The following PLCG2 variants were observed in gnomAD, a reference collection of about 807,000 sequenced individuals.
The protein encoded by PLCG2 is 1-phosphatidylinositol 4,5-bisphosphate phosphodiesterase gamma-2.
In PLCG2, 69 loss-of-function variants were observed where a neutral mutation model predicts 175.6. The ratio of observed to expected loss-of-function variants is 0.39; its 90% CI spans 0.32 to 0.48. PLCG2 has a LOEUF of 0.48. PLCG2 is among the 20% of genes least tolerant of loss of function. PLCG2 has a pLI of 0.91. For missense variants in PLCG2, 1,798 were observed against 1,650.9 expected, an observed-to-expected ratio of 1.09 and a Z score of -1.54; for synonymous variants, 827 against 624.0, an observed-to-expected ratio of 1.33 and a Z score of -4.85.
In PLCG2 at chr16:81,940,011, C is replaced by G. The variant is rs775096760; in HGVS notation, c.3433C>G (p.Pro1145Ala). 3 of 1,614,042 alleles carry G rather than the reference C, an allele frequency of 1.9e-6. No individual in the cohort carries two copies. The highest frequency in any genetic ancestry group is 2.5e-6 in the Non-Finnish European group (3 of 1,179,880). The change falls in exon 30 of 33, where the codon CCC (proline) becomes GCC (alanine). Residue 1145 changes from proline to alanine, a missense_variant. Coordinates refer to ENST00000564138, the MANE Select transcript of PLCG2 (RefSeq NM_002661.5). ...TTATGAAGAAGATATGTTCAGCGAT[C>G]CCAACTTTCTTGCTCATGCCACTTA... ...VVYEEDMFSD[P>A]NFLAHATYPI...
At chr16:81,903,738 C>A (rs998274434) in intron 14 of PLCG2, among the ~76,000 whole-genome samples, 2 of 152,196 alleles carry the variant, frequency 1.3e-5, no homozygotes, top group Non-Finnish European at 2.9e-5. Context: ...ATGTGCTCTT[C>A]CCTGTTCCCA....
chr16:81,823,969 T>C (rs994909480), intron 2 of PLCG2, among the ~76,000 whole-genome samples: 2 of 150,088 alleles, frequency 1.3e-5, no homozygotes, highest in Admixed American at 1.3e-4. Flanking sequence ...CTTTCCTTCC[T>C]TCCTTCTTTT....
At chr16:81,866,688 T>C (rs1287309089) in intron 5 of PLCG2, among the ~76,000 whole-genome samples, 2 of 126,714 alleles carry the variant, frequency 1.6e-5, no homozygotes, top group African/African-American at 5.9e-5. Flanking sequence ...CGCTGGCCTC[T>C]CCCTTGCTCC....
At chr16:81,873,457 C>T (rs764916901) in intron 7 of PLCG2, among the ~76,000 whole-genome samples, 5 of 151,998 alleles carry the variant, frequency 3.3e-5, no homozygotes, top group Admixed American at 6.5e-5. Flanking sequence ...TGACAGTGTG[C>T]GTATGAAATT....
chr16:81,905,234 C>T (rs1398582766), intron 14 of PLCG2, among the ~76,000 whole-genome samples, 169 bp from the exon 15 acceptor site: 1 of 152,214 alleles, frequency 6.6e-6, no homozygotes. Context: ...TCCTCCTCCT[C>T]GTTCAGGGTA....
At chr16:81,942,784 A>AC (rs754738707) in intron 30 of PLCG2, among the ~76,000 whole-genome samples, 1 of 151,978 alleles carries the variant, frequency 6.6e-6, no homozygotes, top group African/African-American at 2.4e-5. Context: ...TTAATTTCGA[A>AC]CCCCGTGTTC....
At chr16:81,911,597 CTAAT>C (rs58191847) in intron 18 of PLCG2, among the ~76,000 whole-genome samples, 87,213 of 146,240 alleles carry the variant, frequency 0.6, 26,300 homozygotes, top group East Asian at 0.81. Flanking sequence ...CTGTGCCCAG[CTAAT>C]TAATTAATTA....
intron 30 of PLCG2, among the ~76,000 whole-genome samples, chr16:81,942,844 A>C (rs1911001746): frequency 6.6e-6 from 1 of 152,134 alleles, no homozygotes. Flanking sequence ...AGATGCATTG[A>C]TCTTACTTTA....
chr16:81,739,098 C>G (rs1171410563), exon 1 of PLCG2: 2 of 152,030 alleles, frequency 1.3e-5, no homozygotes, highest in Non-Finnish European at 2.9e-5. Flanking sequence ...CGGGCCTTCT[C>G]CCTCCAGGGG....
intron 2 of PLCG2, among the ~76,000 whole-genome samples, chr16:81,804,504 G>A (rs115524804): frequency 0.017 from 2,646 of 152,234 alleles, 68 homozygotes; most frequent in African/African-American, 0.061. Flanking sequence ...GCAAGGATGT[G>A]CTTCTTGGCT....
chr16:81,741,092 C>T (rs1269015374), intron 1 of PLCG2, among the ~76,000 whole-genome samples: 1 of 152,210 alleles, frequency 6.6e-6, no homozygotes, highest in Non-Finnish European at 1.5e-5. Context: ...TTGTTTTGAT[C>T]CACCTGCTGC....
chr16:81,957,968 G>A lies in PLCG2; in HGVS notation c.3768G>A (p.Lys1256=), dbSNP rs760119872. ...QEKCNKRLRE[K]RVSNSKFYS is the part of the protein sequence containing the mutation. ...TGTTTTATTTCAGGTTAAGAGAGAA[G>A]AGAGTCAGCAACAGCAAGTTTTACT... The change falls in exon 33 of 33, where the codon AAG becomes AAA. Residue 1256 remains lysine, a synonymous_variant. Transcript: ENST00000564138. 4 of 1,613,846 alleles carry A rather than the reference G, an allele frequency of 2.5e-6. No individual in the cohort carries two copies. The highest frequency in any genetic ancestry group is 1.1e-5 in the South Asian group (1 of 91,076).
chr16:81,798,204 G>T (rs935029711), intron 2 of PLCG2, among the ~76,000 whole-genome samples: 4 of 152,190 alleles, frequency 2.6e-5, no homozygotes, highest in Non-Finnish European at 5.9e-5. Context: ...GGAGGATTCA[G>T]TTTGTAAGTG....
At chr16:81,828,090 CAAA>C (rs763973143) in intron 2 of PLCG2, among the ~76,000 whole-genome samples, 3 of 50,088 alleles carry the variant, frequency 6.0e-5, no homozygotes, top group East Asian at 7.8e-4. Context: ...AACTCCGTCT[CAAA>C]AAAAAAAAAA....
At chr16:81,805,443 G>A (rs1268235094) in intron 2 of PLCG2, among the ~76,000 whole-genome samples, 1 of 146,828 alleles carries the variant, frequency 6.8e-6, no homozygotes, top group African/African-American at 2.5e-5. Flanking sequence ...AGCTTGCAGT[G>A]AGCAGAGATT....
At chr16:81,937,180 T>C (rs1910751562) in intron 27 of PLCG2, among the ~76,000 whole-genome samples, 1 of 152,176 alleles carries the variant, frequency 6.6e-6, no homozygotes, top group Non-Finnish European at 1.5e-5. Context: ...TGGGCGGGGA[T>C]GCAAATAGGT....
At chr16:81,899,779 T>C (rs1909065046) in intron 13 of PLCG2, among the ~76,000 whole-genome samples, 1 of 152,218 alleles carries the variant, frequency 6.6e-6, no homozygotes. Flanking sequence ...CAGGCACGAA[T>C]TACAGTGATG....
chr16:81,784,439 C>G (rs968084353), intron 1 of PLCG2, among the ~76,000 whole-genome samples: 1 of 152,212 alleles, frequency 6.6e-6, no homozygotes, highest in Non-Finnish European at 1.5e-5. Flanking sequence ...TTTAGAGCAG[C>G]TTGGCAGAAG....
chr16:81,740,804 G>C (rs1047252442), intron 1 of PLCG2, among the ~76,000 whole-genome samples: 7 of 143,646 alleles, frequency 4.9e-5, no homozygotes, highest in African/African-American at 1.8e-4. Flanking sequence ...TCTTCCCACT[G>C]TGGGTGCAGA....
Sources: allele counts gnomAD v4.1 joint callset (sites outside exome capture counted in the v4.1 genomes callset), GRCh38; gene constraint gnomAD v4.1.1; transcripts MANE v1.5; gene names NCBI Gene and HGNC (gene_info 2026-07-23, HGNC 2026-07-21).